PROSER2: variants seen among roughly 807,000 people sequenced by gnomAD.
The protein encoded by PROSER2 is proline and serine rich 2.
PROSER2 carries 18 observed loss-of-function variants against 14.6 expected under a neutral mutation model. The ratio of observed to expected loss-of-function variants is 1.23; its 90% CI spans 0.85 to 1.83. PROSER2 has a LOEUF of 1.83. PROSER2 is among the 40% of genes most tolerant of loss of function. The pLI, the probability that PROSER2 is intolerant of heterozygous loss-of-function variation, is 0.00. For synonymous variants in PROSER2, 367 were observed against 286.4 expected (o/e 1.28, Z -2.84); for missense variants, 823 against 629.8 (o/e 1.31, Z -3.28).
At chr10:11,826,843 G>T (rs1488756536) in intron 1 of PROSER2, among the ~76,000 whole-genome samples, 1 of 150,478 alleles carries the variant, frequency 6.6e-6, no homozygotes, top group Non-Finnish European at 1.5e-5. Flanking sequence ...GCCTCCCAAA[G>T]TGCTGGGATT....
intron 1 of PROSER2, among the ~76,000 whole-genome samples, chr10:11,842,694 C>T (rs993660544): frequency 3.9e-5 from 6 of 151,918 alleles, no homozygotes; most frequent in South Asian, 2.1e-4. Context: ...TATTGGTAGC[C>T]GACTCGCTCT....
At chr10:11,833,301 G>A (rs1018154601) in intron 1 of PROSER2, among the ~76,000 whole-genome samples, 6 of 122,110 alleles carry the variant, frequency 4.9e-5, no homozygotes, top group East Asian at 2.9e-4. Flanking sequence ...GTCCCAACTC[G>A]GGAAGCTGAG....
intron 1 of PROSER2, among the ~76,000 whole-genome samples, chr10:11,841,286 C>T (rs528032746): frequency 6.6e-6 from 1 of 152,144 alleles, no homozygotes; most frequent in African/African-American, 2.4e-5. Context: ...CCCATGGCAC[C>T]TACAGTTATG....
At chr10:11,849,373 A>C (rs947371647) in intron 1 of PROSER2, among the ~76,000 whole-genome samples, 2 of 151,836 alleles carry the variant, frequency 1.3e-5, no homozygotes, top group Non-Finnish European at 2.9e-5. Context: ...CCCAGCCTTT[A>C]CCCCCATAAA....
At chr10:11,833,622 C>T (rs1452781322) in intron 1 of PROSER2, among the ~76,000 whole-genome samples, 5 of 151,912 alleles carry the variant, frequency 3.3e-5, no homozygotes, top group African/African-American at 9.7e-5. Flanking sequence ...ACCCAGGAGG[C>T]AGAGGTTGCA....
rs993165583 is a variant in PROSER2, at chr10:11,866,232, T to G, written c.139-299T>G. The stretch of plus-strand genomic sequence containing the variant: ...GTGTGTTGGATAGCCGTAGGCTGAC[T>G]GCAGCTCTCCAGTGTGCTCCCGAGA... On this transcript the variant is annotated intron_variant, in intron 2 of 3. Coordinates refer to ENST00000277570, the MANE Select transcript of PROSER2 (RefSeq NM_153256.4). The surrounding 1 kb of genome is among the most constrained non-coding windows in gnomAD (Gnocchi z 6.0). Among the ~76,000 whole-genome samples, 2 of 152,228 alleles carry G rather than the reference T, an allele frequency of 1.3e-5. No individual in the cohort carries two copies. The highest frequency in any genetic ancestry group is 4.8e-5 in the African/African-American group (2 of 41,456).
At chr10:11,852,739 T>C (rs1421717285) in intron 2 of PROSER2, among the ~76,000 whole-genome samples, 2 of 136,014 alleles carry the variant, frequency 1.5e-5, no homozygotes, top group East Asian at 2.2e-4. Flanking sequence ...GGTTTCACCA[T>C]GTTGGCCAGG....
Position 11,869,238 on chromosome 10 carries a change from C to T in PROSER2, c.392-252C>T, listed in dbSNP as rs1203712520. 1.8e-6 allele frequency: 1 copy of T among 568,666 alleles called. No individual in the cohort carries two copies. The highest frequency in any genetic ancestry group is 3.1e-6 in the Non-Finnish European group (1 of 318,548). The allele number at this position is 568,666 out of a possible 1,614,324, so 35.2% of individuals were successfully genotyped here. On this transcript the variant is annotated intron_variant, in intron 3 of 3. Transcript: ENST00000277570. The surrounding 1 kb of genome is among the most constrained non-coding windows in gnomAD (Gnocchi z 4.4). ...TCAGCAGCCCACATGGACGGAATGT[C>T]TCCTAGGTGTGGACTGTCTGACTTG...
rs4750126 is a variant in PROSER2 at position 11,865,861 on chromosome 10, C to T, written c.139-670C>T. Among the ~76,000 whole-genome samples the T allele has an allele frequency of 0.61, 92,262 of 152,020 alleles. 28,753 individuals are homozygous for T. The highest frequency in any genetic ancestry group is 0.84 in the East Asian group (4,332 of 5,168). On this transcript the variant is annotated intron_variant, in intron 2 of 3. Transcript: ENST00000277570. The surrounding 1 kb of genome is among the most constrained non-coding windows in gnomAD (Gnocchi z 4.2). ...TTTCAAACAGTTCAGCTCTCTTCAC[C>T]GTCACCTTGCCCACACTTCCAGAGC...
intron 1 of PROSER2, among the ~76,000 whole-genome samples, chr10:11,835,640 A>G (rs1833750043): frequency 6.6e-6 from 1 of 152,214 alleles, no homozygotes; most frequent in Non-Finnish European, 1.5e-5. Flanking sequence ...TATAAAACTC[A>G]TTTTTGTTAA....
At position 11,825,890 on chromosome 10, in the gene PROSER2, A is replaced by G. The variant is rs181796594; in HGVS notation, c.-82+2420A>G. Among the ~76,000 whole-genome samples, 14 of 152,348 alleles carry G rather than the reference A, an allele frequency of 9.2e-5. No homozygotes were observed. In the East Asian group the frequency reaches 2.7e-3, roughly 29 times the overall value. On this transcript the variant is annotated intron_variant, in intron 1 of 3. Coordinates refer to ENST00000277570, the MANE Select transcript of PROSER2 (RefSeq NM_153256.4). ...TCTTTTTTATTATAGTCAAATACAT[A>G]GAACATAAAATTTACCGCTTTAAAG...
chr10:11,864,058 A>G lies in PROSER2; in HGVS notation c.139-2473A>G, dbSNP rs111520494. On this transcript the variant is annotated intron_variant, in intron 2 of 3. Coordinates refer to ENST00000277570, the MANE Select transcript of PROSER2 (RefSeq NM_153256.4). ...CTGTCTGGGTTTACTCCGTGTTTAG[A>G]GGAACAGCTGCCCTTCCTGACTACC... 5.4e-3 allele frequency among the ~76,000 whole-genome samples: 829 copies of G among 152,264 alleles called. 11 individuals carry two copies. The highest frequency in any genetic ancestry group is 0.019 in the African/African-American group (790 of 41,534).
rs528264558 is a variant in PROSER2, at chr10:11,870,759, T to C, written c.*353T>C. 2.3e-4 allele frequency: 50 copies of C among 214,418 alleles called. No homozygotes were observed. The East Asian group carries it at 5.4e-3, about 23-fold the overall frequency. The allele number at this position is 214,418 out of a possible 1,614,324, so 13.3% of individuals were successfully genotyped here. On this transcript the variant is annotated 3_prime_UTR_variant, in exon 4 of 4. Transcript: ENST00000277570. Reference sequence around the variant, plus strand: ...GGAGTAGGACTGGTCTGATTATCATTCTTGAGTCTCATCTACCCTCTTCTC... The same window carrying C: ...GGAGTAGGACTGGTCTGATTATCATCCTTGAGTCTCATCTACCCTCTTCTC...
intron 1 of PROSER2, chr10:11,831,680 G>A (rs1833690844): frequency 6.6e-6 from 1 of 152,128 alleles, no homozygotes; most frequent in Non-Finnish European, 1.5e-5. Context: ...TTGTTACTAG[G>A]ACCCAATCAG....
Position 11,869,989 on chromosome 10 carries a change from C to T in PROSER2, c.891C>T (p.Pro297=), listed in dbSNP as rs1834440758. Residue 297 remains proline, a synonymous_variant, in exon 4 of 4, where the codon CCC becomes CCT. Coordinates refer to ENST00000277570, the MANE Select transcript of PROSER2 (RefSeq NM_153256.4). The surrounding 1 kb of genome is among the most constrained non-coding windows in gnomAD (Gnocchi z 4.4). ...TCCACGGCCACGCCGGCGCCTTCCC[C>T]GCCGCGGGGGACGCCGGCGAGGGGG... ...ATIHGHAGAF[P]AAGDAGEGAP... The T allele has an allele frequency of 1.6e-6, 2 of 1,279,070 alleles. No homozygotes were observed. Among genetic ancestry groups the T allele is most frequent in the Admixed American group, 8.5e-5 (2 of 23,636 alleles). 79.2% of individuals were successfully genotyped at this position (1,279,070 alleles called of 1,614,324 possible).
rs942539 is a variant in PROSER2, at chr10:11,837,927, C to T, written c.-81-14070C>T. On this transcript the variant is annotated intron_variant, in intron 1 of 3. Transcript: ENST00000277570. The surrounding 1 kb of genome is among the most constrained non-coding windows in gnomAD (Gnocchi z 4.6). ...CCTGTTCGTACACCCTTGCGGTCTT[C>T]GGACTTCCCTCCTGAATTGCCCCGG... Among the ~76,000 whole-genome samples, 83,670 of 151,362 alleles carry T rather than the reference C, an allele frequency of 0.55. 23,202 individuals are homozygous for T. The highest frequency in any genetic ancestry group is 0.68 in the East Asian group (3,511 of 5,136).
intron 1 of PROSER2, among the ~76,000 whole-genome samples, chr10:11,841,472 GTTT>G (rs1564304275): frequency 1.3e-5 from 2 of 151,660 alleles, no homozygotes; most frequent in East Asian, 3.9e-4. Flanking sequence ...ATTCTTTTGG[GTTT>G]TTCCTAACTT....
rs887274948 is a variant in PROSER2, at chr10:11,862,716, TAC to T, written c.139-3813_139-3812del. The T allele has an allele frequency of 6.6e-6, 1 of 152,044 alleles. No homozygotes were observed. Among genetic ancestry groups the T allele is most frequent in the Admixed American group, 6.6e-5 (1 of 15,258 alleles). The allele number at this position is 152,044 out of a possible 1,614,324, so 9.4% of individuals were successfully genotyped here. On this transcript the variant is annotated intron_variant, in intron 2 of 3. Transcript: ENST00000277570. This position sits in a 1 kb window ranked among gnomAD's most constrained non-coding sequence, Gnocchi z 4.2. ...CTCCAAAAAATCAACAAAAGGCATA[TAC>T]AAAACATCAATATTTCATTATGTAT...
intron 2 of PROSER2, among the ~76,000 whole-genome samples, chr10:11,864,043 T>C (rs1834296674): frequency 6.6e-6 from 1 of 152,190 alleles, no homozygotes; most frequent in Admixed American, 6.5e-5. Context: ...CTGTCTGGGT[T>C]TACTCCGTGT....
Sources: allele counts gnomAD v4.1 joint callset (sites outside exome capture counted in the v4.1 genomes callset), GRCh38; gene constraint gnomAD v4.1.1; non-coding constraint Gnocchi (gnomAD v3.1); transcripts MANE v1.5; gene names NCBI Gene and HGNC (gene_info 2026-07-23, HGNC 2026-07-21).